Variants in PABPC4L observed in about 807,000 individuals in gnomAD.
PABPC4L encodes polyadenylate-binding protein 4-like.
For missense variants in PABPC4L, 452 were observed against 451.4 expected (o/e 1.00, Z -0.01); for synonymous variants, 169 against 164.1 (o/e 1.03, Z -0.23).
At chr4:134,014,323 T>C in the PABPC4L span, among the ~76,000 whole-genome samples, 1 of 152,080 alleles carries the variant, frequency 6.6e-6, no homozygotes, top group Admixed American at 6.6e-5. Flanking sequence ...TGAGTTGCAA[T>C]GCCTTCCTTG....
the PABPC4L span, among the ~76,000 whole-genome samples, chr4:134,055,010 T>C: frequency 6.6e-6 from 1 of 152,034 alleles, no homozygotes; most frequent in Non-Finnish European, 1.5e-5. Flanking sequence ...ATGATCTAGT[T>C]TTTCTGAATA....
At chr4:134,032,076 A>G in the PABPC4L span, among the ~76,000 whole-genome samples, 2 of 151,802 alleles carry the variant, frequency 1.3e-5, no homozygotes, top group African/African-American at 4.8e-5. Context: ...ATATAAGATG[A>G]CAATATCTTC....
chr4:133,982,116 T>C, the PABPC4L span, among the ~76,000 whole-genome samples: 3 of 152,012 alleles, frequency 2.0e-5, no homozygotes, highest in Non-Finnish European at 4.4e-5. Flanking sequence ...AATATAAACG[T>C]CTATTCCTGA....
At chr4:134,079,057 C>T in the PABPC4L span, among the ~76,000 whole-genome samples, 1 of 145,294 alleles carries the variant, frequency 6.9e-6, no homozygotes, top group East Asian at 2.1e-4. Flanking sequence ...CTGCAACCTT[C>T]GCCTCCTGTG....
chr4:134,047,376 CA>C, the PABPC4L span, among the ~76,000 whole-genome samples: 2 of 151,956 alleles, frequency 1.3e-5, no homozygotes, highest in Admixed American at 6.6e-5. Context: ...GCAAATAATA[CA>C]AAAAGAGATG....
the PABPC4L span, among the ~76,000 whole-genome samples, chr4:134,092,502 C>T: frequency 1.3e-5 from 2 of 152,046 alleles, no homozygotes; most frequent in South Asian, 4.2e-4. Context: ...AGACAAGAAC[C>T]CAGGTACCAA....
the PABPC4L span, among the ~76,000 whole-genome samples, chr4:133,978,216 A>G: frequency 6.6e-6 from 1 of 152,174 alleles, no homozygotes; most frequent in African/African-American, 2.4e-5. Flanking sequence ...AACAACTCAA[A>G]GCTGAGGGCT....
the PABPC4L span, among the ~76,000 whole-genome samples, chr4:134,093,387 T>G: frequency 2.0e-5 from 3 of 151,884 alleles, no homozygotes; most frequent in South Asian, 2.1e-4. Context: ...TTTTTTTTAT[T>G]CTGGTATGTG....
the PABPC4L span, among the ~76,000 whole-genome samples, chr4:134,128,221 GT>G: frequency 6.6e-6 from 1 of 152,140 alleles, no homozygotes; most frequent in African/African-American, 2.4e-5. Context: ...GTATCTAAAA[GT>G]TTGGAAAACA....
chr4:134,155,948 T>C, the PABPC4L span, among the ~76,000 whole-genome samples: 3 of 152,070 alleles, frequency 2.0e-5, no homozygotes, highest in South Asian at 6.2e-4. Context: ...TTAGCAGAAA[T>C]GTTGAATTAT....
At chr4:134,131,430 C>T in the PABPC4L span, among the ~76,000 whole-genome samples, 1 of 151,762 alleles carries the variant, frequency 6.6e-6, no homozygotes, top group Non-Finnish European at 1.5e-5. Context: ...ATGAAGAACT[C>T]GATCCCTTTT....
chr4:134,075,705 A>G, the PABPC4L span, among the ~76,000 whole-genome samples: 1 of 151,956 alleles, frequency 6.6e-6, no homozygotes, highest in South Asian at 2.1e-4. Context: ...TTTTTCCATA[A>G]TTTTTATTAT....
At chr4:134,067,564 G>A in the PABPC4L span, among the ~76,000 whole-genome samples, 3 of 151,904 alleles carry the variant, frequency 2.0e-5, no homozygotes, top group African/African-American at 7.3e-5. Context: ...CTTGTCTTCT[G>A]CTAGCTTTGG....
the PABPC4L span, among the ~76,000 whole-genome samples, chr4:134,088,336 A>G: frequency 4.2e-3 from 645 of 152,214 alleles, 9 homozygotes; most frequent in African/African-American, 0.015. Flanking sequence ...AAGCACCTCT[A>G]CTACTGGGAC....
downstream of PABPC4L, among the ~76,000 whole-genome samples, chr4:134,191,352 A>G (rs1473687342): frequency 6.6e-6 from 1 of 152,132 alleles, no homozygotes; most frequent in Non-Finnish European, 1.5e-5. Context: ...CCTAACACAT[A>G]TCTATAGAGT....
At chr4:134,135,969 A>G in the PABPC4L span, among the ~76,000 whole-genome samples, 1 of 152,100 alleles carries the variant, frequency 6.6e-6, no homozygotes, top group Non-Finnish European at 1.5e-5. Flanking sequence ...CTCCTCAATT[A>G]TTTTTTATAA....
chr4:134,011,201 A>G, the PABPC4L span, among the ~76,000 whole-genome samples: 112 of 152,268 alleles, frequency 7.4e-4, 1 homozygote, highest in African/African-American at 2.6e-3. Context: ...AATTTATATT[A>G]GAAATTCCCC....
At chr4:134,072,393 A>G in the PABPC4L span, among the ~76,000 whole-genome samples, 1 of 152,292 alleles carries the variant, frequency 6.6e-6, no homozygotes, top group South Asian at 2.1e-4. Context: ...CTAGCAGTAG[A>G]CTAAGTGTTC....
At position 134,200,249 on chromosome 4, in the gene PABPC4L, C is replaced by A. The variant is rs780911068; in HGVS notation, c.771G>T (p.Gly257=). 1 of 1,554,380 alleles carries A rather than the reference C, an allele frequency of 6.4e-7. No homozygotes were observed. Among genetic ancestry groups the A allele is most frequent in the East Asian group, 2.4e-5 (1 of 41,102 alleles). ...VEEMNGRDIN[G]QLIFVGRAQK... Reference sequence around the variant, plus strand: ...GAGCCCGGCCTACAAAAATCAGCTGCCCATTTATGTCCCTTCCATTCATTT... The same window carrying A: ...GAGCCCGGCCTACAAAAATCAGCTGACCATTTATGTCCCTTCCATTCATTT... The change falls in exon 2 of 2, where the codon GGG becomes GGT. Residue 257 remains glycine, a synonymous_variant. Coordinates refer to ENST00000421491, the MANE Select transcript of PABPC4L (RefSeq NM_001114734.2).
Sources: gnomAD v4.1 joint callset for allele counts (sites outside exome capture counted in the v4.1 genomes callset) on GRCh38, gnomAD v4.1.1 for gene constraint, MANE v1.5 for transcripts, NCBI Gene and HGNC (gene_info 2026-07-23, HGNC 2026-07-21) for gene names.